The following CLEC12B variants were observed in gnomAD, a reference collection of about 807,000 sequenced individuals.
CLEC12B encodes the protein macrophage antigen h.
Under a neutral mutation model 36.1 loss-of-function variants are expected in CLEC12B, and 25 were observed. The ratio of observed to expected loss-of-function variants is 0.69; its 90% CI spans 0.50 to 0.97. The LOEUF (loss-of-function observed/expected upper bound fraction) is 0.97, where lower values mean the gene tolerates loss of function less well. CLEC12B is among the 50% of genes least tolerant of loss of function. CLEC12B has a pLI of 0.00. For missense variants in CLEC12B, 325 were observed against 318.4 expected (o/e 1.02, Z -0.16); for synonymous variants, 110 against 108.5 (o/e 1.01, Z -0.09).
intron 5 of CLEC12B, chr12:10,016,309 C>T (rs942173554): frequency 2.3e-4 from 35 of 152,296 alleles, no homozygotes; most frequent in African/African-American, 8.2e-4. Context: ...CAATATACGG[C>T]AAGTGTCTTT....
intron 3 of CLEC12B, 156 bp from the exon 4 acceptor site, chr12:10,015,096 C>A: frequency 1.5e-6 from 1 of 671,362 alleles, no homozygotes. Context: ...AACCCATAAC[C>A]AGGGGTCACT....
intron 1 of CLEC12B, 83 bp from the exon 2 acceptor site, chr12:10,012,702 C>A: frequency 2.9e-6 from 3 of 1,051,472 alleles, no homozygotes; most frequent in South Asian, 2.8e-5. Flanking sequence ...CGGGAAGCTC[C>A]CTAAGTGGGA....
rs112221776 is a variant in CLEC12B, at chr12:10,013,062, G to C, written c.190+179G>C. 78 of 616,276 alleles carry C rather than the reference G, an allele frequency of 1.3e-4. 1 individual carries two copies. Among genetic ancestry groups the C allele is most frequent in the African/African-American group, 1.0e-3 (56 of 53,458 alleles). 38.2% of individuals were successfully genotyped at this position (616,276 alleles called of 1,614,324 possible). ...AAAAACCGGCAAAAGACATTATCAGGATTTGGTTCTAAATTCATTGTTTTA... is the reference window on the plus strand; with the variant it reads ...AAAAACCGGCAAAAGACATTATCAGCATTTGGTTCTAAATTCATTGTTTTA... On this transcript the variant is annotated intron_variant, in intron 2 of 5. Coordinates refer to ENST00000338896, the MANE Select transcript of CLEC12B (RefSeq NM_001129998.3).
intron 5 of CLEC12B, chr12:10,018,096 T>G: frequency 1.5e-6 from 1 of 683,950 alleles, no homozygotes; most frequent in Non-Finnish European, 1.9e-6. Flanking sequence ...TTTAAGTATT[T>G]CTCTTAAAGA....
Position 10,015,449 on chromosome 12 carries a change from C to T in CLEC12B, c.564+43C>T, listed in dbSNP as rs187563585. 7 of 1,578,758 alleles carry T rather than the reference C, an allele frequency of 4.4e-6. No individual in the cohort carries two copies. In the East Asian group the frequency reaches 1.3e-4, roughly 30 times the overall value. On this transcript the variant is annotated intron_variant, in intron 4 of 5. Coordinates refer to ENST00000338896, the MANE Select transcript of CLEC12B (RefSeq NM_001129998.3). ...TCTCTAGTTATAGACATTATCCATA[C>T]AATGAGAGAGAAATAAATAAAACAT...
intron 2 of CLEC12B, among the ~76,000 whole-genome samples, chr12:10,013,587 T>A (rs963484554): frequency 6.6e-6 from 1 of 152,162 alleles, no homozygotes; most frequent in Non-Finnish European, 1.5e-5. Context: ...GTTAAGTATA[T>A]GGTATACAGA....
At chr12:10,010,879 C>A (rs776241064) in intron 1 of CLEC12B, 29 bp downstream of exon 1, 5 of 1,472,946 alleles carry the variant, frequency 3.4e-6, no homozygotes, top group Admixed American at 1.7e-5. Context: ...CCAGCTGTGT[C>A]CTTGGGGGAG....
intron 5 of CLEC12B, chr12:10,017,402 C>G: frequency 1.0e-6 from 1 of 985,368 alleles, no homozygotes; most frequent in Middle Eastern, 5.2e-4. Flanking sequence ...ATTCAGTTTT[C>G]ATGTTGGAAT....
chr12:10,015,946 T>G (rs1865476230), intron 5 of CLEC12B: 1 of 1,358,456 alleles, frequency 7.4e-7, no homozygotes, highest in African/African-American at 1.5e-5. Flanking sequence ...AGAAATGTGT[T>G]TATTTAACAC....
At chr12:10,006,399 T>A (rs1865225230), upstream of CLEC12B, among the ~76,000 whole-genome samples, 1 of 152,104 alleles carries the variant, frequency 6.6e-6, no homozygotes, top group Non-Finnish European at 1.5e-5. Flanking sequence ...CTATAAGAAA[T>A]TAATTCCCAT....
intron 2 of CLEC12B, among the ~76,000 whole-genome samples, chr12:10,013,791 G>C (rs937234139): frequency 6.6e-6 from 1 of 152,130 alleles, no homozygotes; most frequent in Non-Finnish European, 1.5e-5. Flanking sequence ...GATGTACCTT[G>C]CTCTTTTGAA....
chr12:10,015,771 A>G, intron 5 of CLEC12B, 44 bp downstream of exon 5: 1 of 1,606,066 alleles, frequency 6.2e-7, no homozygotes, highest in Non-Finnish European at 8.5e-7. Context: ...TTTCCATGGA[A>G]TCCTGGGAAA....
chr12:10,010,037 T>G (rs1366237286), upstream of CLEC12B, among the ~76,000 whole-genome samples: 1 of 152,202 alleles, frequency 6.6e-6, no homozygotes, highest in Non-Finnish European at 1.5e-5. Flanking sequence ...ATCCCATGGT[T>G]GTTGTTCTGT....
chr12:10,009,931 A>C (rs1258708960), upstream of CLEC12B, among the ~76,000 whole-genome samples: 2 of 152,040 alleles, frequency 1.3e-5, no homozygotes, highest in East Asian at 3.9e-4. Flanking sequence ...TATTAACTAC[A>C]TATTGCTGCT....
intron 5 of CLEC12B, chr12:10,017,046 G>T (rs2137278012): frequency 2.0e-6 from 2 of 984,596 alleles, no homozygotes; most frequent in African/African-American, 1.8e-5. Flanking sequence ...TGCTTCAGCT[G>T]TGACTCAGCA....
chr12:10,006,436 A>G (rs1303991248), upstream of CLEC12B, among the ~76,000 whole-genome samples: 1 of 151,110 alleles, frequency 6.6e-6, no homozygotes, highest in African/African-American at 2.4e-5. Context: ...GTACTATTCA[A>G]TTTAGTTCAT....
rs1865430162 is a variant in CLEC12B, at chr12:10,014,632, C to A, written c.300C>A (p.Asn100Lys). 1 of 1,613,406 alleles carries A rather than the reference C, an allele frequency of 6.2e-7. No homozygotes were observed. Among genetic ancestry groups the A allele is most frequent in the African/African-American group, 1.3e-5 (1 of 74,878 alleles). The change falls in exon 3 of 6, where the codon AAC becomes AAA. Residue 100 changes from asparagine to lysine, a missense_variant. Physicochemically the swap from Asn to Lys is moderately conservative, Grantham distance 94. Transcript: ENST00000338896. ...TATCCCAGCAACTGGGCAACTCCAACAACTTGTCCATGGAGGAGGAATTTC... is the reference window on the plus strand; with the variant it reads ...TATCCCAGCAACTGGGCAACTCCAAAAACTTGTCCATGGAGGAGGAATTTC... ...DNLSQQLGNS[N>K]NLSMEEEFLK...
chr12:10,017,833 A>G (rs749647239), intron 5 of CLEC12B: 151 of 962,240 alleles, frequency 1.6e-4, no homozygotes, highest in Non-Finnish European at 1.8e-4. Context: ...CCATATCTAT[A>G]TAGTCAATCA....
upstream of CLEC12B, among the ~76,000 whole-genome samples, chr12:10,008,145 T>C (rs1028733444): frequency 3.3e-5 from 5 of 152,264 alleles, no homozygotes; most frequent in African/African-American, 1.2e-4. Flanking sequence ...GAAATGTTAT[T>C]TACCTGCACT....
Sources: gnomAD v4.1 joint callset for allele counts (sites outside exome capture counted in the v4.1 genomes callset) on GRCh38, gnomAD v4.1.1 for gene constraint, MANE v1.5 for transcripts, NCBI Gene and HGNC (gene_info 2026-07-23, HGNC 2026-07-21) for gene names.